Variants in NHSL1 observed in about 807,000 individuals in gnomAD.
NHSL1 encodes the protein NHS like 1.
NHSL1 carries 48 observed loss-of-function variants against 95.0 expected under a neutral mutation model. That is an observed-to-expected ratio of 0.51 (90% CI 0.40 to 0.64). The LOEUF (loss-of-function observed/expected upper bound fraction) is 0.64. NHSL1 is among the 30% of genes least tolerant of loss of function. NHSL1 has a pLI of 0.00. For synonymous variants in NHSL1, 783 were observed against 833.9 expected (o/e 0.94, Z 1.05); for missense variants, 1,971 against 2,077.7 (o/e 0.95, Z 1.00).
intron 5 of NHSL1, among the ~76,000 whole-genome samples, chr6:138,436,450 TGA>T (rs1387527108): frequency 6.6e-6 from 1 of 152,218 alleles, no homozygotes; most frequent in African/African-American, 2.4e-5. Context: ...CTGTGAAAGC[TGA>T]GAGAGGTGAG....
At chr6:138,659,046 CT>C (rs771033274) in intron 1 of NHSL1, among the ~76,000 whole-genome samples, 9,703 of 117,644 alleles carry the variant, frequency 0.082, 329 homozygotes, top group African/African-American at 0.14. Context: ...TGTGGACTAT[CT>C]TTTTTTTTTT....
In NHSL1 at chr6:138,455,472, G is replaced by GCCTTCACATGCTCCCTGCAAGAAGCCCCA. The variant is rs1269246633; in HGVS notation, c.340-8280_340-8279insTGGGGCTTCTTGCAGGGAGCATGTGAAGG. Reference sequence around the variant, plus strand: ...AAAGAAATGAGCTGCAAGGAGCCCCGCCTTCACATGCTCCCTGCAAGGAGC... The same window carrying GCCTTCACATGCTCCCTGCAAGAAGCCCCA: ...AAAGAAATGAGCTGCAAGGAGCCCCGCCTTCACATGCTCCCTGCAAGAAGCCCCACCTTCACATGCTCCCTGCAAGGAGC... On this transcript the variant is annotated intron_variant, in intron 3 of 7. Transcript: ENST00000343505. 7.9e-3 allele frequency among the ~76,000 whole-genome samples: 149 copies of GCCTTCACATGCTCCCTGCAAGAAGCCCCA among 18,792 alleles called. 2 individuals carry two copies. Among genetic ancestry groups the GCCTTCACATGCTCCCTGCAAGAAGCCCCA allele is most frequent in the Middle Eastern group, 0.042 (1 of 24 alleles). The allele number at this position is 18,792 out of a possible 152,430, so 12.3% of individuals were successfully genotyped here. A position where few individuals can be genotyped will look rare whatever the true frequency, so the allele number is the denominator to read the frequency against.
At chr6:138,555,498 CA>C (rs1783164549) in intron 1 of NHSL1, among the ~76,000 whole-genome samples, 1 of 152,178 alleles carries the variant, frequency 6.6e-6, no homozygotes, top group African/African-American at 2.4e-5. Context: ...CTAGGGACTT[CA>C]GTTCCTAACA....
rs1034145109 is a variant in NHSL1 at position 138,423,644 on chromosome 6, TA to T, written c.*436del. 1 of 154,232 alleles carries T rather than the reference TA, an allele frequency of 6.5e-6. No homozygotes were observed. Among genetic ancestry groups the T allele is most frequent in the African/African-American group, 2.4e-5 (1 of 41,476 alleles). The allele number at this position is 154,232 out of a possible 1,614,324, so 9.6% of individuals were successfully genotyped here. A position where few individuals can be genotyped will look rare whatever the true frequency, so the allele number is the denominator to read the frequency against. Reference sequence around the variant, plus strand: ...TTCTTACAAAACTCGCTGATTTCTATAAACGTAATTCTCTGAAAGCAATTAC... The same window carrying T: ...TTCTTACAAAACTCGCTGATTTCTATAACGTAATTCTCTGAAAGCAATTAC... On this transcript the variant is annotated 3_prime_UTR_variant, in exon 8 of 8. Transcript: ENST00000343505.
chr6:138,476,206 A>C (rs1365226066), intron 2 of NHSL1, among the ~76,000 whole-genome samples: 1 of 152,216 alleles, frequency 6.6e-6, no homozygotes, highest in East Asian at 1.9e-4. Context: ...TATGTTTATC[A>C]CAGCACTATT....
At chr6:138,642,596 T>G (rs938248881) in intron 1 of NHSL1, among the ~76,000 whole-genome samples, 2 of 152,096 alleles carry the variant, frequency 1.3e-5, no homozygotes, top group African/African-American at 4.8e-5. Flanking sequence ...AACCATGAAG[T>G]TTAGGCAAAG....
At chr6:138,433,797 T>C (rs756744853) in intron 5 of NHSL1, 117 bp from the exon 6 acceptor site, 65 of 1,380,300 alleles carry the variant, frequency 4.7e-5, no homozygotes, top group African/African-American at 1.7e-4. Flanking sequence ...TTTAATTTCC[T>C]TTCTCCTGTA....
intron 1 of NHSL1, among the ~76,000 whole-genome samples, chr6:138,554,311 T>C (rs1783116592): frequency 2.0e-5 from 3 of 152,132 alleles, no homozygotes; most frequent in Non-Finnish European, 4.4e-5. Context: ...AACGGGACCC[T>C]CCACCCACCA....
At chr6:138,444,488 G>A (rs1249375900) in intron 4 of NHSL1, among the ~76,000 whole-genome samples, 2 of 152,102 alleles carry the variant, frequency 1.3e-5, no homozygotes, top group South Asian at 2.1e-4. Context: ...TATAACTAAA[G>A]GGATTAAATC....
intron 1 of NHSL1, 104 bp from the exon 2 acceptor site, chr6:138,496,475 C>A (rs985710532): frequency 8.7e-7 from 1 of 1,155,674 alleles, no homozygotes; most frequent in Admixed American, 2.0e-5. Flanking sequence ...GGGTAAGGGC[C>A]AGCAAGGGAG....
chr6:138,668,718 G>A (rs758381397), intron 1 of NHSL1, among the ~76,000 whole-genome samples: 31 of 148,404 alleles, frequency 2.1e-4, no homozygotes, highest in Non-Finnish European at 3.4e-4. Flanking sequence ...TCCGCCTCCC[G>A]GGTTAAGCGA....
At chr6:138,612,702 CTCAA>C (rs1784530286) in intron 1 of NHSL1, among the ~76,000 whole-genome samples, 1 of 152,208 alleles carries the variant, frequency 6.6e-6, no homozygotes, top group Non-Finnish European at 1.5e-5. Context: ...ACACTGCCCT[CTCAA>C]TCATCTTCCC....
chr6:138,555,898 C>A (rs995841522), intron 1 of NHSL1, among the ~76,000 whole-genome samples: 2 of 152,078 alleles, frequency 1.3e-5, no homozygotes, highest in Non-Finnish European at 2.9e-5. Context: ...CCTCACTGGG[C>A]CCTGTTGGGT....
intron 1 of NHSL1, among the ~76,000 whole-genome samples, chr6:138,566,083 A>G (rs940552229): frequency 3.9e-5 from 6 of 152,150 alleles, no homozygotes; most frequent in Admixed American, 3.9e-4. Context: ...GATAACATGC[A>G]GGATCTTTTA....
upstream of NHSL1, chr6:138,692,754 T>C (rs1294152686): frequency 6.6e-6 from 1 of 150,818 alleles, no homozygotes; most frequent in Admixed American, 6.6e-5. The surrounding 1 kb of genome is among the most constrained non-coding windows in gnomAD (Gnocchi z 4.0). Flanking sequence ...GGTCCTCTGG[T>C]GGAAGGGCAT....
intron 3 of NHSL1, among the ~76,000 whole-genome samples, chr6:138,468,972 A>G (rs1271628550): frequency 6.6e-6 from 1 of 152,236 alleles, no homozygotes; most frequent in African/African-American, 2.4e-5. Flanking sequence ...AAGGTGATCA[A>G]TAAGTCCTTA....
chr6:138,586,714 G>T (rs1784140568), intron 1 of NHSL1, among the ~76,000 whole-genome samples: 1 of 152,222 alleles, frequency 6.6e-6, no homozygotes, highest in East Asian at 1.9e-4. Flanking sequence ...AGTGGGGAGA[G>T]TGTGAAAGAG....
chr6:138,496,390 A>G lies in NHSL1; in HGVS notation c.59-19T>C. The G allele has an allele frequency of 6.5e-7, 1 of 1,549,548 alleles. No homozygotes were observed. The highest frequency in any genetic ancestry group is 2.4e-5 in the East Asian group (1 of 40,924). ...GAAACCGCTATAGAAAAAAAGATAG[A>G]ATACATTCAGGTGTCAACTTCATTG... On this transcript the variant is annotated intron_variant, in intron 1 of 7. Transcript: ENST00000343505.
intron 1 of NHSL1, among the ~76,000 whole-genome samples, chr6:138,520,570 G>A (rs778051893): frequency 2.6e-5 from 4 of 152,110 alleles, no homozygotes; most frequent in Non-Finnish European, 5.9e-5. Context: ...GATTACAGAC[G>A]TGAGCCACTG....
Sources: gnomAD v4.1 joint callset for allele counts (sites outside exome capture counted in the v4.1 genomes callset) on GRCh38, gnomAD v4.1.1 for gene constraint, Gnocchi (gnomAD v3.1) non-coding constraint, MANE v1.5 for transcripts, NCBI Gene and HGNC (gene_info 2026-07-23, HGNC 2026-07-21) for gene names.